The following CLCN5 variants were observed in gnomAD, a reference collection of about 807,000 sequenced individuals.
CLCN5 encodes H(+)/Cl(-) exchange transporter 5.
A neutral mutation model predicts 54.0 loss-of-function variants in CLCN5; 17 were observed. The observed-to-expected ratio is 0.31, with a 90% CI of 0.22 to 0.47. The LOEUF is 0.47. Among genes scored for constraint, CLCN5 ranks in the 20% least tolerant of loss-of-function variants. The pLI, the probability that CLCN5 is intolerant of heterozygous loss-of-function variation, is 1.00. For missense variants in CLCN5, 448 were observed against 646.7 expected, an observed-to-expected ratio of 0.69 and a Z score of 3.33; for synonymous variants, 222 against 233.0, an observed-to-expected ratio of 0.95 and a Z score of 0.43.
Position 50,006,337 on chromosome X carries a change from C to T in CLCN5, c.17-35979C>T, listed in dbSNP as rs530826237. Among the ~76,000 whole-genome samples, 17 of 112,047 alleles carry T rather than the reference C, an allele frequency of 1.5e-4. No homozygotes were observed. The Middle Eastern group carries it at 0.014, about 92-fold the overall frequency. ...CACTGCCTCTTTAATCTGTAGCATCCGCATGCAAGTGCTGTCCCAGTGCAG... is the reference window on the plus strand; with the variant it reads ...CACTGCCTCTTTAATCTGTAGCATCTGCATGCAAGTGCTGTCCCAGTGCAG... On this transcript the variant is annotated intron_variant, in intron 3 of 14. Coordinates refer to ENST00000376091, the MANE Select transcript of CLCN5 (RefSeq NM_001127898.4).
chrX:50,035,188 A>G (rs1393609154), intron 3 of CLCN5, among the ~76,000 whole-genome samples: 4 of 111,632 alleles, frequency 3.6e-5, no homozygotes, highest in African/African-American at 1.3e-4. Flanking sequence ...AATTGTAACA[A>G]TTTAACACCT....
chrX:50,072,172 C>T (rs1235721119), intron 5 of CLCN5, among the ~76,000 whole-genome samples: 1 of 111,626 alleles, frequency 9.0e-6, no homozygotes, highest in Non-Finnish European at 1.9e-5. Context: ...CAAGAGATTG[C>T]CCTTGGAATA....
intron 4 of CLCN5, among the ~76,000 whole-genome samples, chrX:50,053,085 G>A (rs1341054545): frequency 3.6e-5 from 4 of 111,755 alleles, no homozygotes; most frequent in African/African-American, 1.3e-4. Context: ...TTTAAAGTGT[G>A]TTTTGTGGCC....
In CLCN5 at chrX:50,088,803, G is replaced by T. The variant is rs141943808; in HGVS notation, c.1663G>T (p.Val555Phe). 1 of 1,211,270 alleles carries T rather than the reference G, an allele frequency of 8.3e-7. No individual in the cohort carries two copies. The highest frequency in any genetic ancestry group is 2.2e-5 in the Admixed American group (1 of 46,060). Residue 555 changes from valine to phenylalanine, a missense_variant, in exon 12 of 15, where the codon GTC becomes TTC. Physicochemically the swap from Val to Phe is conservative, Grantham distance 50. This residue lies in a region of CLCN5 where 297 missense variants were observed against 470.4 expected (regional missense o/e 0.63). Coordinates refer to ENST00000376091, the MANE Select transcript of CLCN5 (RefSeq NM_001127898.4). ...QLAYYHQEWTVFNSWCSQGAD... is the reference protein window; with the variant it reads ...QLAYYHQEWTFFNSWCSQGAD... ...GGCTTATTACCACCAGGAATGGACCGTCTTCAATAGCTGGTGTAGTCAGGG... is the reference window on the plus strand; with the variant it reads ...GGCTTATTACCACCAGGAATGGACCTTCTTCAATAGCTGGTGTAGTCAGGG...
At chrX:49,966,555 T>A (rs968831088) in intron 3 of CLCN5, among the ~76,000 whole-genome samples, 2 of 101,518 alleles carry the variant, frequency 2.0e-5, no homozygotes, top group Non-Finnish European at 4.0e-5. Context: ...CCTTTTTAAA[T>A]GTTTTCTATC....
chrX:50,031,655 T>C (rs1931705570), intron 3 of CLCN5, among the ~76,000 whole-genome samples: 2 of 110,974 alleles, frequency 1.8e-5, no homozygotes, highest in South Asian at 7.6e-4. Flanking sequence ...ACCCAGACAT[T>C]TGAGTATTGT....
At chrX:49,942,448 C>T (rs1485499526) in intron 3 of CLCN5, among the ~76,000 whole-genome samples, 2 of 108,364 alleles carry the variant, frequency 1.8e-5, no homozygotes, top group Non-Finnish European at 3.8e-5. Context: ...TACATGTGCA[C>T]AATGTGCAGG....
At chrX:49,998,715 CTA>C (rs1929649580) in intron 3 of CLCN5, among the ~76,000 whole-genome samples, 1 of 111,458 alleles carries the variant, frequency 9.0e-6, no homozygotes, top group Non-Finnish European at 1.9e-5. Context: ...CACCACTCGT[CTA>C]TATGTCTTGA....
intron 3 of CLCN5, among the ~76,000 whole-genome samples, chrX:49,945,119 T>A (rs1926621369): frequency 8.9e-6 from 1 of 112,066 alleles, no homozygotes; most frequent in South Asian, 3.6e-4. Context: ...AGTTTATACA[T>A]CCCTCTATTC....
chrX:49,973,816 A>C (rs1928355593), intron 3 of CLCN5, among the ~76,000 whole-genome samples: 1 of 110,905 alleles, frequency 9.0e-6, no homozygotes, highest in Non-Finnish European at 1.9e-5. Flanking sequence ...GTTTGTTGGG[A>C]ATGTAACCCC....
At chrX:49,955,694 G>A (rs781931689) in intron 3 of CLCN5, among the ~76,000 whole-genome samples, 283 of 111,564 alleles carry the variant, frequency 2.5e-3, no homozygotes, top group Non-Finnish European at 4.4e-3. Context: ...AACATGGCAC[G>A]ATTCTTTCTT....
At chrX:50,051,628 T>C (rs1347161446) in intron 4 of CLCN5, among the ~76,000 whole-genome samples, 1 of 112,311 alleles carries the variant, frequency 8.9e-6, no homozygotes, top group Non-Finnish European at 1.9e-5. Context: ...TCAATAATAC[T>C]GAGTTTTACA....
chrX:50,069,544 T>C (rs1288444250), intron 4 of CLCN5: 2 of 781,636 alleles, frequency 2.6e-6, no homozygotes, highest in Non-Finnish European at 3.0e-6. Context: ...TTTGTCTCCC[T>C]TCCATAAACT....
intron 5 of CLCN5, among the ~76,000 whole-genome samples, chrX:50,071,330 C>T (rs1467762738): frequency 5.4e-5 from 6 of 112,069 alleles, no homozygotes; most frequent in African/African-American, 1.6e-4. Flanking sequence ...CATAAGATTT[C>T]TGCCATTTGG....
Position 50,042,405 on chromosome X carries a change from A to G in CLCN5, c.106A>G (p.Thr36Ala). 1 of 1,154,771 alleles carries G rather than the reference A, an allele frequency of 8.7e-7. No individual in the cohort carries two copies. Residue 36 changes from threonine (T) to alanine (A), a missense_variant, in exon 4 of 15, where the codon ACC (threonine) becomes GCC (alanine). This residue lies in a region of CLCN5 where 69 missense variants were observed against 60.9 expected (regional missense o/e 1.13). Transcript: ENST00000376091. ...TGAAGACCTGATGGACATTCCAGCA[A>G]CCGCTATGGATTTCTCCATGAGAGA... ...SDEDLMDIPA[T>A]AMDFSMRDDV...
chrX:50,052,666 G>A (rs1932623049), intron 4 of CLCN5, among the ~76,000 whole-genome samples: 1 of 110,940 alleles, frequency 9.0e-6, no homozygotes, highest in Non-Finnish European at 1.9e-5. Flanking sequence ...AACCATGGGG[G>A]CCTGGTGCTT....
intron 3 of CLCN5, among the ~76,000 whole-genome samples, chrX:50,036,042 T>C (rs1226267891): frequency 8.9e-6 from 1 of 111,898 alleles, no homozygotes; most frequent in Non-Finnish European, 1.9e-5. Context: ...TTTAATTTCT[T>C]CCAGATGTGC....
At chrX:50,042,660 C>T (rs1004973593) in intron 4 of CLCN5, 198 bp downstream of exon 4, 2 of 276,653 alleles carry the variant, frequency 7.2e-6, no homozygotes, top group Non-Finnish European at 1.3e-5. Context: ...CACTCCTTTG[C>T]AGTCAGACCT....
intron 3 of CLCN5, among the ~76,000 whole-genome samples, chrX:49,980,000 T>A (rs1203704225): frequency 8.9e-6 from 1 of 111,783 alleles, no homozygotes; most frequent in Non-Finnish European, 1.9e-5. Context: ...CTATAATTCC[T>A]GCATATTGAA....
Sources: gnomAD v4.1 joint callset for allele counts (sites outside exome capture counted in the v4.1 genomes callset) on GRCh38, gnomAD v4.1.1 for gene constraint, gnomAD v4.1.1 regional missense constraint, MANE v1.5 for transcripts, NCBI Gene and HGNC (gene_info 2026-07-23, HGNC 2026-07-21) for gene names.